Variants in PLXDC1 observed in about 807,000 individuals in gnomAD.
PLXDC1 encodes plexin domain containing 1, also known as plexin domain-containing protein 1.
PLXDC1 carries 39 observed loss-of-function variants against 61.3 expected under a neutral mutation model. The ratio of observed to expected loss-of-function variants is 0.64; its 90% CI spans 0.49 to 0.83. PLXDC1 has a LOEUF of 0.83. PLXDC1 is among the 40% of genes least tolerant of loss of function. The pLI is 0.00. For synonymous variants in PLXDC1, 212 were observed against 254.5 expected, an observed-to-expected ratio of 0.83 and a Z score of 1.59; for missense variants, 596 against 666.5, an observed-to-expected ratio of 0.89 and a Z score of 1.17.
Position 39,067,596 on chromosome 17 carries a change from C to T in PLXDC1, c.*244G>A, listed in dbSNP as rs1474162721. 16 of 434,408 alleles carry T rather than the reference C, an allele frequency of 3.7e-5. No individual in the cohort carries two copies. The highest frequency in any genetic ancestry group is 5.8e-5 in the Non-Finnish European group (14 of 242,046). The allele number at this position is 434,408 out of a possible 1,614,324, so 26.9% of individuals were successfully genotyped here. The stretch of plus-strand genomic sequence containing the variant: ...ATGGTTACAAGACACAGAAGAGAAC[C>T]CTTGCATCAAAACAGGATGAGATTA... On this transcript the variant is annotated 3_prime_UTR_variant, in exon 14 of 14. Transcript: ENST00000315392.
chr17:39,128,080 TC>T (rs1911370604), intron 2 of PLXDC1, among the ~76,000 whole-genome samples: 1 of 122,402 alleles, frequency 8.2e-6, no homozygotes, highest in African/African-American at 3.3e-5. Context: ...TCTCTCTCTC[TC>T]TCTCTCTCTC....
chr17:39,072,077 GCTGA>G, intron 12 of PLXDC1: 1 of 244,156 alleles, frequency 4.1e-6, no homozygotes, highest in East Asian at 7.4e-5. Context: ...TCCACCCCTT[GCTGA>G]CTATGAGCCC....
intron 7 of PLXDC1, among the ~76,000 whole-genome samples, chr17:39,093,342 G>A (rs2143540881): frequency 6.6e-6 from 1 of 152,258 alleles, no homozygotes; most frequent in South Asian, 2.1e-4. Context: ...AAAGTGCTGG[G>A]GTTACAGGCG....
chr17:39,143,487 T>G (rs1028780113), intron 1 of PLXDC1, among the ~76,000 whole-genome samples: 1 of 152,194 alleles, frequency 6.6e-6, no homozygotes, highest in Non-Finnish European at 1.5e-5. Flanking sequence ...TCTTCAAATT[T>G]GGCATGTCCA....
chr17:39,075,815 C>A (rs542693750), intron 11 of PLXDC1, among the ~76,000 whole-genome samples: 1 of 152,194 alleles, frequency 6.6e-6, no homozygotes, highest in African/African-American at 2.4e-5. Flanking sequence ...CAGTGGCTCA[C>A]GCCTGTAATC....
At chr17:39,130,127 T>G (rs981970058) in intron 2 of PLXDC1, among the ~76,000 whole-genome samples, 1 of 152,094 alleles carries the variant, frequency 6.6e-6, no homozygotes, top group Non-Finnish European at 1.5e-5. Context: ...GAGCAACTGC[T>G]TAATGGGTAA....
At chr17:39,086,608 T>C (rs1859451201) in intron 8 of PLXDC1, among the ~76,000 whole-genome samples, 1 of 151,812 alleles carries the variant, frequency 6.6e-6, no homozygotes, top group African/African-American at 2.4e-5. Context: ...ACACCTGTAA[T>C]CCCAGCACTT....
At chr17:39,122,560 C>G (rs1212485041) in intron 2 of PLXDC1, among the ~76,000 whole-genome samples, 2 of 152,040 alleles carry the variant, frequency 1.3e-5, no homozygotes, top group African/African-American at 4.8e-5. Context: ...CAGTCTATCC[C>G]AGGGTATGGT....
At chr17:39,136,549 C>T (rs1170763324) in intron 2 of PLXDC1, among the ~76,000 whole-genome samples, 1 of 151,706 alleles carries the variant, frequency 6.6e-6, no homozygotes, top group African/African-American at 2.4e-5. Flanking sequence ...GTGCCCGGCC[C>T]AAAGTTTTAA....
At chr17:39,105,070 A>G (rs1910547774) in intron 7 of PLXDC1, among the ~76,000 whole-genome samples, 1 of 152,184 alleles carries the variant, frequency 6.6e-6, no homozygotes, top group Non-Finnish European at 1.5e-5. Flanking sequence ...GAATGCCCCC[A>G]GGCCCCATCA....
rs754120510 is a variant in PLXDC1 at position 39,067,831 on chromosome 17, T to G, written c.*9A>C. 2 of 1,608,256 alleles carry G rather than the reference T, an allele frequency of 1.2e-6. No homozygotes were observed. Among genetic ancestry groups the G allele is most frequent in the East Asian group, 2.2e-5 (1 of 44,780 alleles). ...GCCTCAAAGTCTTCAAAGGGGAGACTTGGTGTTCTCAGCACTGCTCAGCCT... is the reference window on the plus strand; with the variant it reads ...GCCTCAAAGTCTTCAAAGGGGAGACGTGGTGTTCTCAGCACTGCTCAGCCT... On this transcript the variant is annotated 3_prime_UTR_variant, in exon 14 of 14. Coordinates refer to ENST00000315392, the MANE Select transcript of PLXDC1 (RefSeq NM_020405.5).
At chr17:39,072,277 TGTG>T (rs1420638782) in intron 12 of PLXDC1, 170 bp downstream of exon 12, 2 of 638,536 alleles carry the variant, frequency 3.1e-6, no homozygotes, top group East Asian at 5.5e-5. Flanking sequence ...CTAGGGCACC[TGTG>T]CCCAGAAGCC....
chr17:39,132,759 G>A (rs998400107), intron 2 of PLXDC1, among the ~76,000 whole-genome samples: 16 of 152,044 alleles, frequency 1.1e-4, no homozygotes, highest in African/African-American at 3.4e-4. Flanking sequence ...GGGGAGGTCC[G>A]CAGCCAGGAG....
chr17:39,097,000 A>T, intron 7 of PLXDC1: 1 of 471,232 alleles, frequency 2.1e-6, no homozygotes, highest in Non-Finnish European at 4.4e-6. Context: ...ACGAGGAAGT[A>T]CTGGTAAGAA....
intron 7 of PLXDC1, among the ~76,000 whole-genome samples, chr17:39,101,853 T>C (rs1370590202): frequency 6.6e-6 from 1 of 151,822 alleles, no homozygotes; most frequent in Non-Finnish European, 1.5e-5. Flanking sequence ...CAGTGTTGCG[T>C]GGGAAGGGTG....
rs200793465 is a variant in PLXDC1 at position 39,087,656 on chromosome 17, G to T, written c.858C>A (p.Asp286Glu). 6.2e-7 allele frequency: 1 copy of T among 1,614,124 alleles called. No homozygotes were observed. The highest frequency in any genetic ancestry group is 2.2e-5 in the East Asian group (1 of 44,886). Residue 286 changes from aspartate (D) to glutamate (E), a missense_variant, in exon 8 of 14, where the codon GAC (aspartate) becomes GAA (glutamate). Physicochemically the swap from Asp to Glu is conservative, Grantham distance 45 (BLOSUM62 2). Transcript: ENST00000315392. ...CCGACATGCTGGTGACCTTGCTGGG[G>T]TCCAGCTCTATGCGGTGATATTCAA... is the stretch of plus-strand genomic sequence containing the variant. ...SIFEYHRIELDPSKVTSMSAV... is the reference protein window; with the variant it reads ...SIFEYHRIELEPSKVTSMSAV...
At chr17:39,138,795 GAGA>G in intron 2 of PLXDC1, among the ~76,000 whole-genome samples, 1 of 151,188 alleles carries the variant, frequency 6.6e-6, no homozygotes, top group Non-Finnish European at 1.5e-5. Flanking sequence ...AATCTATACT[GAGA>G]AGAAGGTCCT....
chr17:39,105,789 C>T, intron 7 of PLXDC1, 65 bp downstream of exon 7: 1 of 1,006,412 alleles, frequency 9.9e-7, no homozygotes, highest in Admixed American at 2.0e-5. Flanking sequence ...CCCCCAGCAG[C>T]TCAGGTTCAG....
At chr17:39,112,660 C>T (rs145115855) in intron 2 of PLXDC1, among the ~76,000 whole-genome samples, 3 of 152,080 alleles carry the variant, frequency 2.0e-5, no homozygotes, top group Admixed American at 6.6e-5. Context: ...CCCTGAACTA[C>T]GAGCCCCTGA....
Sources: gnomAD v4.1 joint callset for allele counts (sites outside exome capture counted in the v4.1 genomes callset) on GRCh38, gnomAD v4.1.1 for gene constraint, MANE v1.5 for transcripts, NCBI Gene and HGNC (gene_info 2026-07-23, HGNC 2026-07-21) for gene names.